GNAS: variants seen among roughly 807,000 people sequenced by gnomAD.
GNAS encodes the protein protein ALEX.
Under a neutral mutation model 54.5 loss-of-function variants are expected in GNAS, and 8 were observed. That is an observed-to-expected ratio of 0.15 (90% CI 0.09 to 0.26). The LOEUF (loss-of-function observed/expected upper bound fraction) is 0.26. Among genes scored for constraint, GNAS ranks in the 10% least tolerant of loss-of-function variants. The probability of loss-of-function intolerance (pLI) is 1.00; values close to 1 mark genes in which losing one functional copy is unlikely to be tolerated. For synonymous variants in GNAS, 204 were observed against 191.4 expected (o/e 1.07, Z -0.54); for missense variants, 170 against 529.8 (o/e 0.32, Z 6.67).
intron 6 of GNAS, among the ~76,000 whole-genome samples, chr20:58,906,532 C>G (rs6015400): frequency 0.46 from 69,994 of 151,936 alleles, 16,417 homozygotes; most frequent in Non-Finnish European, 0.5. Flanking sequence ...AATATGTAAA[C>G]ATTATTATTA....
upstream of GNAS, chr20:58,840,756 G>A (rs769719956): frequency 5.0e-6 from 8 of 1,606,538 alleles, no homozygotes; most frequent in African/African-American, 2.7e-5. The surrounding 1 kb of genome is among the most constrained non-coding windows in gnomAD (Gnocchi z 6.0). Flanking sequence ...AAGCAGCGGC[G>A]TCGCTGCAAG....
intron 1 of GNAS, among the ~76,000 whole-genome samples, chr20:58,860,552 A>G (rs2086730089): frequency 6.6e-6 from 1 of 151,466 alleles, no homozygotes; most frequent in Admixed American, 6.6e-5. Flanking sequence ...CTTTGTAGTG[A>G]TTTTTTTTTA....
chr20:58,904,666 A>G (rs1041707583), intron 5 of GNAS, among the ~76,000 whole-genome samples: 21 of 152,358 alleles, frequency 1.4e-4, no homozygotes, highest in African/African-American at 5.1e-4. Flanking sequence ...TTGTGTTTGT[A>G]TATTTTAGAT....
At chr20:58,851,013 G>A (rs1180008794) in intron 1 of GNAS, 2 of 398,074 alleles carry the variant, frequency 5.0e-6, no homozygotes, top group Non-Finnish European at 8.8e-6. Flanking sequence ...GCTGGGGTCG[G>A]AGGGGAGTGA....
chr20:58,847,787 G>A (rs980554419), intron 1 of GNAS, among the ~76,000 whole-genome samples: 4 of 152,026 alleles, frequency 2.6e-5, no homozygotes, highest in Admixed American at 6.5e-5. Flanking sequence ...CCTTCTCTTT[G>A]TTGGCTACAG....
chr20:58,884,421 T>A (rs1395926790), intron 1 of GNAS: 1 of 152,190 alleles, frequency 6.6e-6, no homozygotes, highest in Non-Finnish European at 1.5e-5. Flanking sequence ...CTAAGGAAAT[T>A]TTATTAGAAC....
Position 58,863,017 on chromosome 20 carries a change from C to T in GNAS, c.43+22131C>T, listed in dbSNP as rs1377735688. Among the ~76,000 whole-genome samples the T allele has an allele frequency of 1.3e-5, 2 of 151,324 alleles. No homozygotes were observed. Among genetic ancestry groups the T allele is most frequent in the Non-Finnish European group, 2.9e-5 (2 of 67,936 alleles). ...TGTGTTTAGTTTCCTTTCCAACAGC[C>T]AGATGGTGAACCAGGCCAGCTCATG... On this transcript the variant is annotated intron_variant, in intron 1 of 12. Coordinates refer to the GNAS transcript ENST00000306090. This position sits in a 1 kb window ranked among gnomAD's most constrained non-coding sequence, Gnocchi z 4.1.
chr20:58,886,757 GACAGCCTAGCTGACC>G (rs1243329848), upstream of GNAS, among the ~76,000 whole-genome samples: 1 of 152,112 alleles, frequency 6.6e-6, no homozygotes, highest in African/African-American at 2.4e-5. Context: ...AGTGAAAACA[GACAGCCTAGCTGACC>G]ACAAACCAGC....
chr20:58,891,496 G>A lies in GNAS; in HGVS notation c.-231G>A. 3 of 970,062 alleles carry A rather than the reference G, an allele frequency of 3.1e-6. No homozygotes were observed. Among genetic ancestry groups the A allele is most frequent in the Non-Finnish European group, 3.7e-6 (3 of 818,606 alleles). The allele number at this position is 970,062 out of a possible 1,614,324, so 60.1% of individuals were successfully genotyped here. A position where few individuals can be genotyped will look rare whatever the true frequency, so the allele number is the denominator to read the frequency against. On this transcript the variant is annotated 5_prime_UTR_variant, in exon 1 of 13. Transcript: ENST00000371085. ...TCAGCCCCCTCGGCCTCGGCTCGAG[G>A]GGCGGGGAGCTGCGCGCGCCCCTCG...
At chr20:58,895,731 C>A in intron 2 of GNAS, 47 bp downstream of exon 2, 1 of 1,066,118 alleles carries the variant, frequency 9.4e-7, no homozygotes, top group Non-Finnish European at 1.5e-6. Context: ...GAGGAACAGA[C>A]TTTATACTAA....
intron 6 of GNAS, 126 bp downstream of exon 6, chr20:58,905,606 C>G (rs1601132743): frequency 1.4e-6 from 1 of 716,448 alleles, no homozygotes; most frequent in Non-Finnish European, 2.5e-6. Context: ...ACCAGTTACC[C>G]CACTGGCAGA....
upstream of GNAS, among the ~76,000 whole-genome samples, chr20:58,887,907 C>T (rs1406594789): frequency 6.6e-6 from 1 of 152,194 alleles, no homozygotes; most frequent in Non-Finnish European, 1.5e-5. Flanking sequence ...CTTCATCTGT[C>T]ACACCTTTTC....
At chr20:58,845,006 C>G (rs367691546) in intron 1 of GNAS, among the ~76,000 whole-genome samples, 1 of 149,732 alleles carries the variant, frequency 6.7e-6, no homozygotes, top group South Asian at 2.2e-4. Context: ...ACTTAGCCAT[C>G]CTGAGAGTCG....
chr20:58,862,636 T>G (rs143631115), intron 1 of GNAS, among the ~76,000 whole-genome samples: 21 of 151,918 alleles, frequency 1.4e-4, no homozygotes, highest in African/African-American at 4.8e-4. Flanking sequence ...GTTCTAAAAG[T>G]GCCAGCCATC....
chr20:58,897,688 C>G (rs2090194711), intron 2 of GNAS: 1 of 152,240 alleles, frequency 6.6e-6, no homozygotes, highest in Non-Finnish European at 1.5e-5. Flanking sequence ...GAGGAAGCAA[C>G]ATTCCCAGTT....
Position 58,910,226 on chromosome 20 carries a change from C to A in GNAS, c.971-108C>A. On this transcript the variant is annotated intron_variant, in intron 11 of 12. Coordinates refer to ENST00000371085, the MANE Select transcript of GNAS (RefSeq NM_000516.7). The surrounding 1 kb of genome is among the most constrained non-coding windows in gnomAD (Gnocchi z 5.8). ...AGAAAAACGCACTCCCACTAATTCT[C>A]ATATGGAAAAATCAGGGTTTTGAAG... 7.9e-7 allele frequency: 1 copy of A among 1,259,562 alleles called. No individual in the cohort carries two copies. Among genetic ancestry groups the A allele is most frequent in the Non-Finnish European group, 1.2e-6 (1 of 856,746 alleles). 78.0% of individuals were successfully genotyped at this position (1,259,562 alleles called of 1,614,324 possible). A position where few individuals can be genotyped will look rare whatever the true frequency, so the allele number is the denominator to read the frequency against.
chr20:58,897,280 CAAT>C (rs1568997474), intron 2 of GNAS, among the ~76,000 whole-genome samples: 1 of 152,222 alleles, frequency 6.6e-6, no homozygotes, highest in African/African-American at 2.4e-5. Flanking sequence ...GCCATCCTGA[CAAT>C]AAATAAATAA....
At chr20:58,854,762 C>T (rs1232003652) in intron 1 of GNAS, 3 of 1,552,084 alleles carry the variant, frequency 1.9e-6, no homozygotes, top group Non-Finnish European at 2.6e-6. Context: ...CTCCCACTGC[C>T]CCAGCCGCTT....
At chr20:58,855,914 G>A in intron 1 of GNAS, 3 of 467,752 alleles carry the variant, frequency 6.4e-6, no homozygotes, top group Non-Finnish European at 1.1e-5. Context: ...AACGGGCTGT[G>A]TTGTGGTTTG....
Sources: allele counts gnomAD v4.1 joint callset (sites outside exome capture counted in the v4.1 genomes callset), GRCh38; gene constraint gnomAD v4.1.1; non-coding constraint Gnocchi (gnomAD v3.1); transcripts MANE v1.5; gene names NCBI Gene and HGNC (gene_info 2026-07-23, HGNC 2026-07-21).